Variants in CRPPA observed in about 807,000 individuals in gnomAD.
CRPPA encodes the protein D-ribitol-5-phosphate cytidylyltransferase.
A neutral mutation model predicts 52.0 loss-of-function variants in CRPPA; 43 were observed. The ratio of observed to expected loss-of-function variants is 0.83; its 90% CI spans 0.65 to 1.07. The LOEUF (loss-of-function observed/expected upper bound fraction) is 1.07. CRPPA is among the 50% of genes least tolerant of loss of function. The pLI is 0.00. For missense variants in CRPPA, 629 were observed against 551.7 expected (o/e 1.14, Z -1.40); for synonymous variants, 250 against 203.5 (o/e 1.23, Z -1.94).
rs184601087 is a variant in CRPPA at position 16,379,087 on chromosome 7, G to A, written c.535-2846C>T. 2.0e-3 allele frequency among the ~76,000 whole-genome samples: 308 copies of A among 152,174 alleles called. 1 individual carries two copies. Among genetic ancestry groups the A allele is most frequent in the Non-Finnish European group, 3.3e-3 (221 of 67,990 alleles). ...GTTCGCTCTGATGGTAGTTTCTTTT[G>A]CTGTGCAGAAGCTCTTTAGTTTAAT... On this transcript the variant is annotated intron_variant, in intron 2 of 9. Transcript: ENST00000407010.
At chr7:16,351,526 A>G (rs1786152236) in intron 3 of CRPPA, among the ~76,000 whole-genome samples, 1 of 152,216 alleles carries the variant, frequency 6.6e-6, no homozygotes, top group African/African-American at 2.4e-5. Flanking sequence ...CAAAGGTCAA[A>G]TATCCAGAAT....
At chr7:16,224,671 C>T (rs1285071992) in intron 8 of CRPPA, among the ~76,000 whole-genome samples, 2 of 152,052 alleles carry the variant, frequency 1.3e-5, no homozygotes, top group East Asian at 1.9e-4. Flanking sequence ...TAATAAAACC[C>T]AAAATCTTCA....
chr7:16,123,121 T>C (rs1469902911), intron 9 of CRPPA, among the ~76,000 whole-genome samples: 1 of 152,130 alleles, frequency 6.6e-6, no homozygotes, highest in Admixed American at 6.5e-5. Flanking sequence ...TGGCTGCTTA[T>C]AATAGGCTTG....
chr7:16,285,449 T>A (rs1227817431), intron 5 of CRPPA, among the ~76,000 whole-genome samples: 2 of 152,174 alleles, frequency 1.3e-5, no homozygotes, highest in African/African-American at 4.8e-5. Context: ...CAGTGGCAGA[T>A]GGCAAAATAT....
At chr7:16,366,395 C>T (rs559095428) in intron 3 of CRPPA, among the ~76,000 whole-genome samples, 25 of 152,248 alleles carry the variant, frequency 1.6e-4, no homozygotes, top group African/African-American at 6.0e-4. Context: ...AATCAATATA[C>T]AGCCATCAAA....
intron 2 of CRPPA, among the ~76,000 whole-genome samples, chr7:16,383,451 C>T (rs1247637597): frequency 6.6e-6 from 1 of 152,166 alleles, no homozygotes; most frequent in African/African-American, 2.4e-5. Context: ...GGGTCAGGGA[C>T]CCACTTGAGG....
intron 8 of CRPPA, among the ~76,000 whole-genome samples, chr7:16,236,488 C>T (rs1334844111): frequency 1.3e-5 from 2 of 152,054 alleles, no homozygotes; most frequent in East Asian, 1.9e-4. Flanking sequence ...CACACTTAAA[C>T]TTATTGCTAA....
chr7:16,286,562 A>ATCAACGGATCC, intron 5 of CRPPA, among the ~76,000 whole-genome samples: 1 of 151,782 alleles, frequency 6.6e-6, no homozygotes, highest in African/African-American at 2.4e-5. Context: ...TTACTCATCA[A>ATCAACGGATCC]TTCCTACCAA....
rs59244378 is a variant in CRPPA, at chr7:16,182,009, T to A, written c.1251+34057A>T. Among the ~76,000 whole-genome samples, 458 of 152,092 alleles carry A rather than the reference T, an allele frequency of 3.0e-3. 3 individuals are homozygous for A. The highest frequency in any genetic ancestry group is 0.011 in the African/African-American group (437 of 41,560). On this transcript the variant is annotated intron_variant, in intron 9 of 9. Coordinates refer to ENST00000407010, the MANE Select transcript of CRPPA (RefSeq NM_001101426.4). The stretch of plus-strand genomic sequence containing the variant: ...TATAGCTATATCATCAATATTTATT[T>A]CTAAATTTATAAACCTAATATGTAA...
intron 5 of CRPPA, among the ~76,000 whole-genome samples, chr7:16,294,013 T>G (rs912550558): frequency 6.6e-6 from 1 of 151,984 alleles, no homozygotes. Context: ...TGTGTCCATG[T>G]CATTTTTTCT....
intron 9 of CRPPA, among the ~76,000 whole-genome samples, chr7:16,199,861 T>C (rs939664198): frequency 6.7e-6 from 1 of 149,716 alleles, no homozygotes; most frequent in African/African-American, 2.5e-5. Context: ...TTTCTTTTTT[T>C]TTTTTTTTTT....
At chr7:16,099,349 G>A (rs1213055772) in intron 9 of CRPPA, among the ~76,000 whole-genome samples, 3 of 146,882 alleles carry the variant, frequency 2.0e-5, no homozygotes, top group Admixed American at 1.4e-4. Context: ...GGACAGGAAG[G>A]GGAGGGAAGG....
At chr7:16,415,948 T>C (rs78892107) in intron 1 of CRPPA, among the ~76,000 whole-genome samples, 3 of 152,332 alleles carry the variant, frequency 2.0e-5, no homozygotes, top group East Asian at 3.9e-4. Flanking sequence ...AGTCCCCAAT[T>C]AGTTCAAAAT....
At chr7:16,383,182 C>T (rs1787159208) in intron 2 of CRPPA, among the ~76,000 whole-genome samples, 1 of 152,090 alleles carries the variant, frequency 6.6e-6, no homozygotes, top group South Asian at 2.1e-4. Flanking sequence ...TGTGGATGTC[C>T]TTTCTGTTTC....
intron 8 of CRPPA, among the ~76,000 whole-genome samples, chr7:16,254,792 G>GAAAGAAGGACAGAAA (rs1783573898): frequency 9.8e-6 from 1 of 101,664 alleles, no homozygotes; most frequent in African/African-American, 4.1e-5. Flanking sequence ...AAAGAAAGAA[G>GAAAGAAGGACAGAAA]GAAAGAAAGA....
At chr7:16,198,665 TGTG>T (rs1380002446) in intron 9 of CRPPA, among the ~76,000 whole-genome samples, 2 of 148,844 alleles carry the variant, frequency 1.3e-5, no homozygotes, top group Non-Finnish European at 2.9e-5. Flanking sequence ...CACCCACAGG[TGTG>T]TAGGGGCAAC....
At chr7:16,248,286 C>G (rs554412118) in intron 8 of CRPPA, among the ~76,000 whole-genome samples, 2 of 152,112 alleles carry the variant, frequency 1.3e-5, no homozygotes, top group African/African-American at 4.8e-5. Flanking sequence ...CTGCAGTGAG[C>G]CATAATCATG....
chr7:16,282,592 C>T (rs1784341555), intron 5 of CRPPA, among the ~76,000 whole-genome samples: 1 of 151,998 alleles, frequency 6.6e-6, no homozygotes, highest in Non-Finnish European at 1.5e-5. Flanking sequence ...TTGTGTTATT[C>T]CTGTATCTTT....
intron 5 of CRPPA, among the ~76,000 whole-genome samples, chr7:16,295,374 TA>T: frequency 6.6e-6 from 1 of 152,088 alleles, no homozygotes; most frequent in Non-Finnish European, 1.5e-5. Context: ...TAAAGCCAGT[TA>T]AAACCAAAAG....
Sources: gnomAD v4.1 joint callset for allele counts (sites outside exome capture counted in the v4.1 genomes callset) on GRCh38, gnomAD v4.1.1 for gene constraint, MANE v1.5 for transcripts, NCBI Gene and HGNC (gene_info 2026-07-23, HGNC 2026-07-21) for gene names.